Variants in KLHL29 observed in about 807,000 individuals in gnomAD.
KLHL29 encodes the protein kelch like family member 29, also known as kelch-like protein 29.
In KLHL29, 21 loss-of-function variants were observed where a neutral mutation model predicts 80.4. That is an observed-to-expected ratio of 0.26 (90% confidence interval 0.19 to 0.38). KLHL29 has a LOEUF of 0.38. KLHL29 is among the 10% of genes least tolerant of loss of function. KLHL29 has a pLI of 1.00. For synonymous variants in KLHL29, 511 were observed against 526.8 expected (o/e 0.97, Z 0.41); for missense variants, 867 against 1,223.9 (o/e 0.71, Z 4.35).
chr2:23,420,815 G>A (rs576404096), intron 1 of KLHL29, among the ~76,000 whole-genome samples: 15 of 152,108 alleles, frequency 9.9e-5, no homozygotes, highest in Non-Finnish European at 2.2e-4. Context: ...TCTGGGTGGG[G>A]CAGTCACTAT....
chr2:23,398,142 A>G (rs1365417974), intron 1 of KLHL29, among the ~76,000 whole-genome samples: 2 of 152,242 alleles, frequency 1.3e-5, no homozygotes, highest in Non-Finnish European at 2.9e-5. Context: ...TGGGACCCAA[A>G]CAGATGTTCA....
At chr2:23,587,212 T>C (rs898390974) in intron 3 of KLHL29, among the ~76,000 whole-genome samples, 1 of 151,618 alleles carries the variant, frequency 6.6e-6, no homozygotes, top group Non-Finnish European at 1.5e-5. Context: ...ATTTTATTCT[T>C]TTCCTCCTTA....
At chr2:23,473,302 G>C (rs1664546739) in intron 1 of KLHL29, among the ~76,000 whole-genome samples, 1 of 152,150 alleles carries the variant, frequency 6.6e-6, no homozygotes, top group South Asian at 2.1e-4. Context: ...CAGGTCAGGT[G>C]AGCCTCCCAG....
intron 1 of KLHL29, among the ~76,000 whole-genome samples, chr2:23,440,173 G>T (rs1007275377): frequency 6.6e-6 from 1 of 152,026 alleles, no homozygotes; most frequent in African/African-American, 2.4e-5. Flanking sequence ...AAATAACGCC[G>T]CATATCTACA....
intron 5 of KLHL29, among the ~76,000 whole-genome samples, chr2:23,664,818 G>A (rs568785519): frequency 5.5e-4 from 84 of 151,930 alleles, no homozygotes; most frequent in African/African-American, 2.0e-3. Context: ...AACCAGCCAG[G>A]AGGCTCCGGG....
At chr2:23,498,468 C>G (rs993094111) in intron 2 of KLHL29, among the ~76,000 whole-genome samples, 3 of 152,208 alleles carry the variant, frequency 2.0e-5, no homozygotes, top group African/African-American at 7.2e-5. Flanking sequence ...TCGCCCTGCC[C>G]TCCCTGCCAA....
At chr2:23,676,647 G>C (rs1572488004) in intron 5 of KLHL29, among the ~76,000 whole-genome samples, 2 of 152,180 alleles carry the variant, frequency 1.3e-5, no homozygotes, top group South Asian at 4.1e-4. Context: ...ACAATAATAG[G>C]GTGAGGCTTA....
At chr2:23,666,822 C>T (rs998744713) in intron 5 of KLHL29, among the ~76,000 whole-genome samples, 2 of 152,256 alleles carry the variant, frequency 1.3e-5, no homozygotes, top group African/African-American at 4.8e-5. Context: ...GGCAGCCCGA[C>T]CCTCTGTGGT....
At chr2:23,598,803 GAT>G (rs1429668822) in intron 3 of KLHL29, among the ~76,000 whole-genome samples, 1 of 152,240 alleles carries the variant, frequency 6.6e-6, no homozygotes, top group African/African-American at 2.4e-5. Context: ...GATGGAGCCT[GAT>G]AGTTCCGAGT....
chr2:23,487,360 G>T (rs1296460636), intron 2 of KLHL29, among the ~76,000 whole-genome samples: 1 of 152,146 alleles, frequency 6.6e-6, no homozygotes, highest in East Asian at 1.9e-4. Flanking sequence ...GACGTCTTCT[G>T]CACATGCTAC....
In KLHL29 at chr2:23,638,085, T is replaced by TAAA. The variant is rs553356362; in HGVS notation, c.286-1040_286-1038dup. 5.8e-4 allele frequency among the ~76,000 whole-genome samples: 65 copies of TAAA among 111,586 alleles called. 1 individual carries two copies. Among genetic ancestry groups the TAAA allele is most frequent in the African/African-American group, 1.1e-3 (34 of 29,600 alleles). The allele number at this position is 111,586 out of a possible 152,430, so 73.2% of individuals were successfully genotyped here. ...TTCCTATTACATATAATGGCCATAG[T>TAAA]AAAAAAAAAAAAAAAAGACAAATAC... On this transcript the variant is annotated intron_variant, in intron 3 of 13. Coordinates refer to ENST00000486442, the MANE Select transcript of KLHL29 (RefSeq NM_052920.2).
chr2:23,470,004 T>C (rs1261032185), intron 1 of KLHL29, among the ~76,000 whole-genome samples: 1 of 150,598 alleles, frequency 6.6e-6, no homozygotes, highest in East Asian at 1.9e-4. Context: ...TGGGGGGGTC[T>C]GCTGTGTATC....
rs1398872303 is a variant in KLHL29, at chr2:23,593,332, G to T, written c.285+30851G>T. On this transcript the variant is annotated intron_variant, in intron 3 of 13. Coordinates refer to ENST00000486442, the MANE Select transcript of KLHL29 (RefSeq NM_052920.2). ...GGAGCATTCAGACACTGGAAGGTTT[G>T]GGTTGGATTTTTCACATTCTTTTCT... Among the ~76,000 whole-genome samples, 4 of 152,196 alleles carry T rather than the reference G, an allele frequency of 2.6e-5. No individual in the cohort carries two copies. The South Asian group carries it at 8.3e-4, about 31-fold the overall frequency.
chr2:23,484,814 G>A (rs1045389110), intron 2 of KLHL29, among the ~76,000 whole-genome samples: 11 of 152,144 alleles, frequency 7.2e-5, no homozygotes, highest in African/African-American at 2.7e-4. Flanking sequence ...AGTCTCTGCT[G>A]GGCTCTTGCT....
chr2:23,610,638 C>G (rs1668835608), intron 3 of KLHL29, among the ~76,000 whole-genome samples: 1 of 152,246 alleles, frequency 6.6e-6, no homozygotes, highest in Admixed American at 6.5e-5. Flanking sequence ...TCACTCCAGA[C>G]TTGTCCTTTG....
chr2:23,636,679 C>T (rs1008363719), intron 3 of KLHL29, among the ~76,000 whole-genome samples: 10 of 152,162 alleles, frequency 6.6e-5, no homozygotes, highest in South Asian at 2.1e-4. Flanking sequence ...GAGCAGTGCC[C>T]GACACAGACA....
chr2:23,665,815 C>G (rs1411533262), intron 5 of KLHL29, among the ~76,000 whole-genome samples: 1 of 152,190 alleles, frequency 6.6e-6, no homozygotes, highest in Non-Finnish European at 1.5e-5. Context: ...AGAGCTGCAC[C>G]AAGCTATTCA....
intron 6 of KLHL29, among the ~76,000 whole-genome samples, chr2:23,687,745 G>A (rs865831466): frequency 6.6e-6 from 1 of 152,212 alleles, no homozygotes; most frequent in Admixed American, 6.5e-5. Context: ...GAAGAGCAAG[G>A]TCGAAAGGCG....
chr2:23,471,384 T>A (rs1664491757), intron 1 of KLHL29, among the ~76,000 whole-genome samples: 1 of 152,222 alleles, frequency 6.6e-6, no homozygotes, highest in African/African-American at 2.4e-5. Flanking sequence ...CTCTTGACCA[T>A]CAGTTTGGTT....
Sources: gnomAD v4.1 joint callset for allele counts (sites outside exome capture counted in the v4.1 genomes callset) on GRCh38, gnomAD v4.1.1 for gene constraint, MANE v1.5 for transcripts, NCBI Gene and HGNC (gene_info 2026-07-23, HGNC 2026-07-21) for gene names.